The following AGBL4 variants were observed in gnomAD, a reference collection of about 807,000 sequenced individuals.
The protein encoded by AGBL4 is AGBL carboxypeptidase 4, also known as cytosolic carboxypeptidase 6.
Under a neutral mutation model 66.4 loss-of-function variants are expected in AGBL4, and 58 were observed. That is an observed-to-expected ratio of 0.87 (90% CI 0.71 to 1.09). The LOEUF (loss-of-function observed/expected upper bound fraction) is 1.09. AGBL4 is among the 50% of genes least tolerant of loss of function. The probability of loss-of-function intolerance (pLI) is 0.00; values close to 1 mark genes in which losing one functional copy is unlikely to be tolerated. For missense variants in AGBL4, 579 were observed against 631.0 expected, an observed-to-expected ratio of 0.92 and a Z score of 0.88; for synonymous variants, 234 against 222.9, an observed-to-expected ratio of 1.05 and a Z score of -0.44.
intron 3 of AGBL4, among the ~76,000 whole-genome samples, chr1:49,615,706 T>C (rs1645237906): frequency 6.6e-6 from 1 of 152,146 alleles, no homozygotes. Context: ...AAAGGGCACT[T>C]GGAGCATTTG....
rs570331884 is a variant in AGBL4 at position 48,857,154 on chromosome 1, T to C, written c.634+10037A>G. Among the ~76,000 whole-genome samples, 60 of 152,280 alleles carry C rather than the reference T, an allele frequency of 3.9e-4. 1 individual carries two copies. In the South Asian group the frequency reaches 0.012, roughly 32 times the overall value. ...CAGGGAGATTTATGTGGAAAATATA[T>C]ATAAAGGGCTTAACCTAGCTCTGAC... On this transcript the variant is annotated intron_variant, in intron 6 of 13. Coordinates refer to ENST00000371839, the MANE Select transcript of AGBL4 (RefSeq NM_032785.4).
intron 6 of AGBL4, among the ~76,000 whole-genome samples, chr1:48,701,209 C>T (rs1433272211): frequency 6.6e-6 from 1 of 152,060 alleles, no homozygotes; most frequent in African/African-American, 2.4e-5. Flanking sequence ...AGGAAGCCTT[C>T]TCCTGCCCCT....
Position 49,869,489 on chromosome 1 carries a change from C to A in AGBL4, c.35-17971G>T, listed in dbSNP as rs1201650851. On this transcript the variant is annotated intron_variant, in intron 1 of 13. Transcript: ENST00000371839. ...AGCCATTATCCTCAGCAAATCCATG[C>A]AGAAACAGAAAACTAAATACCACAT... 2.0e-5 allele frequency among the ~76,000 whole-genome samples: 3 copies of A among 152,238 alleles called. No homozygotes were observed. The East Asian group carries it at 5.8e-4, about 29-fold the overall frequency.
chr1:50,019,298 T>TCA (rs1389025668), intron 1 of AGBL4, among the ~76,000 whole-genome samples: 102 of 76,966 alleles, frequency 1.3e-3, no homozygotes, highest in South Asian at 9.6e-3. Context: ...TCTCTCTCTC[T>TCA]CTCTCTCTCA....
intron 3 of AGBL4, among the ~76,000 whole-genome samples, chr1:49,551,435 G>A (rs993510244): frequency 1.8e-4 from 27 of 152,170 alleles, no homozygotes; most frequent in African/African-American, 6.3e-4. Context: ...CTCTGTCAGA[G>A]GGAAGGTCTA....
chr1:48,962,321 TA>T (rs1043371005), intron 5 of AGBL4, among the ~76,000 whole-genome samples: 1 of 152,202 alleles, frequency 6.6e-6, no homozygotes, highest in Non-Finnish European at 1.5e-5. Context: ...CACAAGAAAT[TA>T]CATGCTAGAA....
intron 5 of AGBL4, among the ~76,000 whole-genome samples, chr1:48,921,008 C>T (rs1654030664): frequency 6.6e-6 from 1 of 152,194 alleles, no homozygotes; most frequent in African/African-American, 2.4e-5. Context: ...TTACACATTC[C>T]ATTTTCCAAA....
intron 3 of AGBL4, among the ~76,000 whole-genome samples, chr1:49,330,378 C>T (rs950310008): frequency 6.6e-6 from 1 of 152,106 alleles, no homozygotes; most frequent in African/African-American, 2.4e-5. Context: ...GATGGCGCTC[C>T]ACTCTGCACA....
intron 2 of AGBL4, among the ~76,000 whole-genome samples, chr1:49,820,876 C>T (rs1645352300): frequency 1.3e-5 from 2 of 152,104 alleles, no homozygotes. Flanking sequence ...TTAGTCAAGT[C>T]ACAACTTCTC....
intron 4 of AGBL4, among the ~76,000 whole-genome samples, chr1:49,122,369 G>A (rs1645675628): frequency 6.6e-6 from 1 of 151,886 alleles, no homozygotes; most frequent in Admixed American, 6.6e-5. Flanking sequence ...TTTTTTCTTA[G>A]TAATACATAA....
intron 4 of AGBL4, among the ~76,000 whole-genome samples, chr1:49,109,700 G>C (rs1645366947): frequency 6.6e-6 from 1 of 151,916 alleles, no homozygotes; most frequent in Admixed American, 6.6e-5. Context: ...TTAAACTCTG[G>C]TGAATCACTA....
At chr1:49,516,542 GA>G (rs1216813605) in intron 3 of AGBL4, among the ~76,000 whole-genome samples, 1 of 152,046 alleles carries the variant, frequency 6.6e-6, no homozygotes, top group East Asian at 1.9e-4. Context: ...GCAAGGTGGG[GA>G]AAAGGAAAAG....
chr1:49,823,668 A>G (rs1041076033), intron 2 of AGBL4, among the ~76,000 whole-genome samples: 1 of 152,138 alleles, frequency 6.6e-6, no homozygotes, highest in Admixed American at 6.5e-5. Context: ...TCATCCAGAA[A>G]CATGGTAAAG....
chr1:49,851,547 A>G, intron 1 of AGBL4, 29 bp from the exon 2 acceptor site: 1 of 1,543,906 alleles, frequency 6.5e-7, no homozygotes, highest in Non-Finnish European at 8.7e-7. Flanking sequence ...ATAAAAGTCA[A>G]AGTATATTCG....
At chr1:49,093,702 T>G (rs1315712414) in intron 4 of AGBL4, among the ~76,000 whole-genome samples, 1 of 152,100 alleles carries the variant, frequency 6.6e-6, no homozygotes, top group Non-Finnish European at 1.5e-5. Context: ...TTCACAGAAA[T>G]GAAATAACTT....
chr1:49,376,491 G>C (rs148689539), intron 3 of AGBL4, among the ~76,000 whole-genome samples: 1 of 152,192 alleles, frequency 6.6e-6, no homozygotes, highest in Non-Finnish European at 1.5e-5. Context: ...CAAGACTCTA[G>C]TAAGAGCTTC....
At chr1:49,261,247 A>C (rs998274201) in intron 3 of AGBL4, among the ~76,000 whole-genome samples, 3 of 151,742 alleles carry the variant, frequency 2.0e-5, no homozygotes, top group Non-Finnish European at 4.4e-5. Context: ...GAAAACTGGC[A>C]CAAGACAGGG....
chr1:48,542,603 C>G (rs2148266901), intron 11 of AGBL4, among the ~76,000 whole-genome samples: 1 of 152,300 alleles, frequency 6.6e-6, no homozygotes, highest in Non-Finnish European at 1.5e-5. Context: ...TGATGATGAG[C>G]TTTTTTTCAT....
At chr1:49,289,357 T>C (rs1024645432) in intron 3 of AGBL4, among the ~76,000 whole-genome samples, 5 of 152,212 alleles carry the variant, frequency 3.3e-5, no homozygotes, top group African/African-American at 4.8e-5. Flanking sequence ...TATTCATGAT[T>C]GTCAGAAACA....
Sources: allele counts gnomAD v4.1 joint callset (sites outside exome capture counted in the v4.1 genomes callset), GRCh38; gene constraint gnomAD v4.1.1; transcripts MANE v1.5; gene names NCBI Gene and HGNC (gene_info 2026-07-23, HGNC 2026-07-21).